Variants in EFR3B observed in about 807,000 individuals in gnomAD.
The protein encoded by EFR3B is protein EFR3 homolog B.
A neutral mutation model predicts 104.7 loss-of-function variants in EFR3B; 64 were observed. The ratio of observed to expected loss-of-function variants is 0.61; its 90% CI spans 0.50 to 0.75. The LOEUF (loss-of-function observed/expected upper bound fraction) is 0.75, where lower values mean the gene tolerates loss of function less well. EFR3B is among the 30% of genes least tolerant of loss of function. The pLI is 0.00. For synonymous variants in EFR3B, 385 were observed against 417.9 expected, an observed-to-expected ratio of 0.92 and a Z score of 0.96; for missense variants, 750 against 1,078.5, an observed-to-expected ratio of 0.70 and a Z score of 4.27.
At position 25,151,795 on chromosome 2, in the gene EFR3B, C is replaced by T. The variant is rs1671016366; in HGVS notation, c.2192-119C>T. The T allele has an allele frequency of 2.6e-6, 3 of 1,161,718 alleles. No individual in the cohort carries two copies. In the South Asian group the frequency reaches 4.6e-5, roughly 18 times the overall value. The allele number at this position is 1,161,718 out of a possible 1,614,324, so 72.0% of individuals were successfully genotyped here. ...GCACCGCACCTCCACGCCACTGTCC[C>T]CTACTCTTCAGAAGAGGGGAGAGCC... On this transcript the variant is annotated intron_variant, in intron 20 of 22. Transcript: ENST00000403714.
At chr2:25,117,321 G>T (rs1412104972) in intron 4 of EFR3B, among the ~76,000 whole-genome samples, 3 of 152,106 alleles carry the variant, frequency 2.0e-5, no homozygotes, top group Admixed American at 6.5e-5. Context: ...AAACCAGTGT[G>T]GTCAGCAGCG....
At chr2:25,147,775 C>T (rs934121747) in intron 19 of EFR3B, 1 of 152,192 alleles carries the variant, frequency 6.6e-6, no homozygotes, top group Non-Finnish European at 1.5e-5. Context: ...AATCTCAGCA[C>T]TTTGGGAGGC....
intron 3 of EFR3B, among the ~76,000 whole-genome samples, chr2:25,099,391 G>T (rs181275669): frequency 1.0e-3 from 155 of 152,156 alleles, no homozygotes; most frequent in African/African-American, 3.6e-3. Context: ...AAGAGCCAAG[G>T]CTGCCTTTGT....
chr2:25,154,694 G>A lies in EFR3B; in HGVS notation c.*354G>A, dbSNP rs1671110887. ...GAGTGAAGGGCATGTCCTCCCCAGA[G>A]GACGGAGCTGGATGGAGACTTGGTT... On this transcript the variant is annotated 3_prime_UTR_variant, in exon 23 of 23. Transcript: ENST00000403714. The surrounding 1 kb of genome is among the most constrained non-coding windows in gnomAD (Gnocchi z 4.1). 4.7e-6 allele frequency: 1 copy of A among 213,458 alleles called. No homozygotes were observed. Among genetic ancestry groups the A allele is most frequent in the African/African-American group, 2.3e-5 (1 of 43,414 alleles). 13.2% of individuals were successfully genotyped at this position (213,458 alleles called of 1,614,324 possible).
At chr2:25,117,796 C>T (rs1021215131) in intron 4 of EFR3B, among the ~76,000 whole-genome samples, 1 of 152,112 alleles carries the variant, frequency 6.6e-6, no homozygotes, top group Non-Finnish European at 1.5e-5. Flanking sequence ...CCCTGCTCCC[C>T]AGCAGCAATG....
intron 1 of EFR3B, among the ~76,000 whole-genome samples, chr2:25,055,075 G>A (rs1395417037): frequency 2.0e-5 from 3 of 152,188 alleles, no homozygotes; most frequent in Admixed American, 6.5e-5. Flanking sequence ...TTTGGAGGTG[G>A]ATGTCATCAT....
chr2:25,052,727 A>T (rs1262693121), intron 1 of EFR3B, among the ~76,000 whole-genome samples: 3 of 148,500 alleles, frequency 2.0e-5, no homozygotes, highest in East Asian at 2.0e-4. Flanking sequence ...CTGATCTTGA[A>T]CTCCTGACCT....
At position 25,157,339 on chromosome 2, in the gene EFR3B, G is replaced by A. The variant is rs1671201323; in HGVS notation, c.*2999G>A. 6.6e-6 allele frequency: 1 copy of A among 152,234 alleles called. No homozygotes were observed. Among genetic ancestry groups the A allele is most frequent in the Admixed American group, 6.5e-5 (1 of 15,284 alleles). 9.4% of individuals were successfully genotyped at this position (152,234 alleles called of 1,614,324 possible). On this transcript the variant is annotated 3_prime_UTR_variant, in exon 23 of 23. Transcript: ENST00000403714. ...GAATCGGAAAGGTGAAGGTGAGTGT[G>A]ATAGTAGGTAATCTCCTCACCCCAG...
In EFR3B at chr2:25,136,673, A is replaced by C. The variant is rs1200770771; in HGVS notation, c.1560+75A>C. 1 of 1,330,308 alleles carries C rather than the reference A, an allele frequency of 7.5e-7. No individual in the cohort carries two copies. The highest frequency in any genetic ancestry group is 1.1e-6 in the Non-Finnish European group (1 of 951,276). 82.4% of individuals were successfully genotyped at this position (1,330,308 alleles called of 1,614,324 possible). A position where few individuals can be genotyped will look rare whatever the true frequency, so the allele number is the denominator to read the frequency against. On this transcript the variant is annotated intron_variant, in intron 14 of 22. Transcript: ENST00000403714. This position sits in a 1 kb window ranked among gnomAD's most constrained non-coding sequence, Gnocchi z 4.0. ...ACGCCTGCAATCCCAGCACTTTGGG[A>C]GGCTGAGGCGGGCGGATAGATCACT... is the stretch of plus-strand genomic sequence containing the variant.
In EFR3B at chr2:25,136,808, C is replaced by T. The variant is rs938687580; in HGVS notation, c.1560+210C>T. 1.3e-5 allele frequency among the ~76,000 whole-genome samples: 2 copies of T among 151,982 alleles called. No homozygotes were observed. Among genetic ancestry groups the T allele is most frequent in the South Asian group, 2.1e-4 (1 of 4,826 alleles). On this transcript the variant is annotated intron_variant, in intron 14 of 22. Transcript: ENST00000403714. This position sits in a 1 kb window ranked among gnomAD's most constrained non-coding sequence, Gnocchi z 4.0. Reference sequence around the variant, plus strand: ...GTGGGCACCTGCAATCCCAGCTACTCGGGAGGCTGAGGCAGGAGAATCGCT... The same window carrying T: ...GTGGGCACCTGCAATCCCAGCTACTTGGGAGGCTGAGGCAGGAGAATCGCT...
intron 1 of EFR3B, among the ~76,000 whole-genome samples, chr2:25,071,622 G>A (rs1668501097): frequency 6.6e-6 from 1 of 152,040 alleles, no homozygotes; most frequent in African/African-American, 2.4e-5. Context: ...TCATAGTTTT[G>A]GTCCTACTTT....
chr2:25,133,779 C>T (rs1166327179), intron 12 of EFR3B, among the ~76,000 whole-genome samples: 1 of 152,226 alleles, frequency 6.6e-6, no homozygotes, highest in Admixed American at 6.5e-5. Context: ...CCCTTTTCCC[C>T]TCTGTGTCCC....
intron 3 of EFR3B, among the ~76,000 whole-genome samples, chr2:25,094,295 A>AAAAAAG (rs1553390761): frequency 4.0e-5 from 6 of 151,472 alleles, no homozygotes; most frequent in South Asian, 2.1e-4. Flanking sequence ...AAAAAAAAAA[A>AAAAAAG]AAAAAAGAAA....
At chr2:25,089,692 C>T (rs373872641) in intron 1 of EFR3B, among the ~76,000 whole-genome samples, 1 of 152,130 alleles carries the variant, frequency 6.6e-6, no homozygotes. Context: ...GGATGCCAAC[C>T]AGAACCCCAA....
chr2:25,142,944 TAAA>T (rs767559729), intron 17 of EFR3B, among the ~76,000 whole-genome samples: 2 of 109,236 alleles, frequency 1.8e-5, no homozygotes, highest in Non-Finnish European at 3.8e-5. Flanking sequence ...ACCCTGTCTT[TAAA>T]AAAAAAAAAA....
Position 25,130,201 on chromosome 2 carries a change from A to G in EFR3B, c.770+92A>G, listed in dbSNP as rs886680612. ...CTCCTGGCTGGCTGGGGGGAAGGGG[A>G]TATTACAGTTGTGGTGCCGCAGCCG... On this transcript the variant is annotated intron_variant, in intron 7 of 22. Transcript: ENST00000403714. This position sits in a 1 kb window ranked among gnomAD's most constrained non-coding sequence, Gnocchi z 4.6. The G allele has an allele frequency of 1.3e-6, 2 of 1,521,034 alleles. No homozygotes were observed. The highest frequency in any genetic ancestry group is 1.4e-5 in the African/African-American group (1 of 72,524). The allele number at this position is 1,521,034 out of a possible 1,614,324, so 94.2% of individuals were successfully genotyped here.
rs1399698950 is a variant in EFR3B at position 25,115,200 on chromosome 2, G to C, written c.364-6473G>C. 6.6e-5 allele frequency among the ~76,000 whole-genome samples: 10 copies of C among 152,100 alleles called. 1 individual carries two copies. Among genetic ancestry groups the C allele is most frequent in the Non-Finnish European group, 1.5e-5 (1 of 68,002 alleles). On this transcript the variant is annotated intron_variant, in intron 4 of 22. Coordinates refer to ENST00000403714, the MANE Select transcript of EFR3B (RefSeq NM_014971.2). ...CTGTCTCAAGAAAAAGAAAAGAAAA[G>C]AAAATGCAGATACCTAAGCCCAACC... is the stretch of plus-strand genomic sequence containing the variant.
intron 11 of EFR3B, 80 bp from the exon 12 acceptor site, chr2:25,133,303 T>C (rs1018353077): frequency 1.7e-5 from 24 of 1,432,888 alleles, no homozygotes; most frequent in Non-Finnish European, 2.1e-5. Flanking sequence ...GAGAAACGAA[T>C]TGGGGTAGAA....
intron 18 of EFR3B, among the ~76,000 whole-genome samples, chr2:25,144,599 G>A (rs1044796617): frequency 1.3e-4 from 19 of 151,564 alleles, no homozygotes; most frequent in African/African-American, 4.6e-4. Context: ...GCATGATAAG[G>A]TACCTGTATT....
Sources: gnomAD v4.1 joint callset for allele counts (sites outside exome capture counted in the v4.1 genomes callset) on GRCh38, gnomAD v4.1.1 for gene constraint, Gnocchi (gnomAD v3.1) non-coding constraint, MANE v1.5 for transcripts, NCBI Gene and HGNC (gene_info 2026-07-23, HGNC 2026-07-21) for gene names.